RALGPS1: variants seen among roughly 807,000 people sequenced by gnomAD.
RALGPS1 encodes the protein ras-specific guanine nucleotide-releasing factor RalGPS1.
Under a neutral mutation model 78.8 loss-of-function variants are expected in RALGPS1, and 19 were observed. The ratio of observed to expected loss-of-function variants is 0.24; its 90% CI spans 0.17 to 0.35. RALGPS1 has a LOEUF of 0.35. Ranked by LOEUF, RALGPS1 falls within the 10% of genes least tolerant of loss-of-function variation. The probability of loss-of-function intolerance (pLI) is 1.00; values close to 1 mark genes in which losing one functional copy is unlikely to be tolerated. For synonymous variants in RALGPS1, 228 were observed against 256.3 expected, an observed-to-expected ratio of 0.89 and a Z score of 1.06; for missense variants, 454 against 688.3, an observed-to-expected ratio of 0.66 and a Z score of 3.81.
At chr9:127,201,358 G>A (rs1465665460) in intron 14 of RALGPS1, among the ~76,000 whole-genome samples, 3 of 152,186 alleles carry the variant, frequency 2.0e-5, no homozygotes, top group Non-Finnish European at 4.4e-5. Flanking sequence ...GGAGCAGGGG[G>A]CCACCTGCTT....
chr9:126,920,554 G>A (rs1375861453), intron 1 of RALGPS1, among the ~76,000 whole-genome samples: 2 of 152,156 alleles, frequency 1.3e-5, no homozygotes, highest in Non-Finnish European at 2.9e-5. Context: ...GGAGGTGCAG[G>A]CCAAAGGAGC....
Position 127,183,505 on chromosome 9 carries a change from A to AC in RALGPS1, c.910+8725dup, listed in dbSNP as rs2060421028. ...GCCGTACCTGTCCTCATTCTAACAGACCTGTGAGCACAACAGACCTGCCTG... is the reference window on the plus strand; with the variant it reads ...GCCGTACCTGTCCTCATTCTAACAGACCCTGTGAGCACAACAGACCTGCCTG... On this transcript the variant is annotated intron_variant, in intron 11 of 18. Coordinates refer to ENST00000259351, the MANE Select transcript of RALGPS1 (RefSeq NM_014636.3). The surrounding 1 kb of genome is among the most constrained non-coding windows in gnomAD (Gnocchi z 4.0). Among the ~76,000 whole-genome samples the AC allele has an allele frequency of 6.6e-6, 1 of 152,026 alleles. No homozygotes were observed. Among genetic ancestry groups the AC allele is most frequent in the Admixed American group, 6.5e-5 (1 of 15,272 alleles).
At chr9:127,135,621 G>C (rs1323214436) in intron 8 of RALGPS1, among the ~76,000 whole-genome samples, 1 of 152,222 alleles carries the variant, frequency 6.6e-6, no homozygotes, top group Admixed American at 6.5e-5. Context: ...ACCAGACTAG[G>C]GGCCCTCCCC....
At chr9:127,191,279 G>A (rs1045830906) in intron 11 of RALGPS1, among the ~76,000 whole-genome samples, 27 of 152,060 alleles carry the variant, frequency 1.8e-4, no homozygotes, top group African/African-American at 6.3e-4. Flanking sequence ...TAGGATTTGT[G>A]TTTTTTCTTT....
chr9:127,142,355 C>T (rs903590929), intron 8 of RALGPS1, among the ~76,000 whole-genome samples: 1 of 152,114 alleles, frequency 6.6e-6, no homozygotes. Flanking sequence ...CACTATGCTG[C>T]GAGTGGTCTG....
intron 8 of RALGPS1, among the ~76,000 whole-genome samples, chr9:127,074,711 G>A (rs1177997614): frequency 2.0e-5 from 3 of 152,238 alleles, no homozygotes; most frequent in Non-Finnish European, 4.4e-5. Context: ...GCGCACAATA[G>A]CCCAGTGAAT....
chr9:126,996,881 C>G (rs1218440200), intron 4 of RALGPS1, among the ~76,000 whole-genome samples: 2 of 152,332 alleles, frequency 1.3e-5, no homozygotes, highest in East Asian at 3.9e-4. Flanking sequence ...GTTCAACATA[C>G]ACAAATCAAT....
rs2037202210 is a variant in RALGPS1, at chr9:126,945,768, T to G, written c.-65-16457T>G. 2.6e-5 allele frequency among the ~76,000 whole-genome samples: 4 copies of G among 152,322 alleles called. No homozygotes were observed. In the South Asian group the frequency reaches 8.3e-4, roughly 32 times the overall value. ...TCATCCCAAGTGGTTCTGCAGTACC[T>G]TATACCATGGACTGAATTCTTTCTG... On this transcript the variant is annotated intron_variant, in intron 1 of 18. Transcript: ENST00000259351.
intron 8 of RALGPS1, among the ~76,000 whole-genome samples, chr9:127,159,426 C>G (rs2058889902): frequency 6.6e-6 from 1 of 152,140 alleles, no homozygotes; most frequent in African/African-American, 2.4e-5. Flanking sequence ...AGCCACAACC[C>G]CAAGTCATAC....
chr9:127,138,318 G>A (rs906617154), intron 8 of RALGPS1, among the ~76,000 whole-genome samples: 1 of 152,198 alleles, frequency 6.6e-6, no homozygotes, highest in Non-Finnish European at 1.5e-5. Context: ...TGCATTGTCA[G>A]TAAGGAAGAG....
chr9:126,949,429 A>G (rs966465966), intron 1 of RALGPS1, among the ~76,000 whole-genome samples: 1 of 152,116 alleles, frequency 6.6e-6, no homozygotes. Flanking sequence ...AGTCCCACCA[A>G]CAGCGTCAAA....
At chr9:127,198,936 G>A (rs2061477471) in intron 13 of RALGPS1, 79 bp from the exon 14 acceptor site, 1 of 1,267,068 alleles carries the variant, frequency 7.9e-7, no homozygotes, top group African/African-American at 1.5e-5. Context: ...AGCTCAGGGG[G>A]CCTGGGCTCG....
At chr9:127,144,609 C>G (rs542736390) in intron 8 of RALGPS1, among the ~76,000 whole-genome samples, 3 of 152,140 alleles carry the variant, frequency 2.0e-5, no homozygotes, top group Non-Finnish European at 2.9e-5. Flanking sequence ...GAAATGTCCA[C>G]CAAAGGATGA....
chr9:127,174,309 GAAAGAAAAAA>G (rs1485036768), intron 10 of RALGPS1, among the ~76,000 whole-genome samples: 1 of 136,308 alleles, frequency 7.3e-6, no homozygotes, highest in African/African-American at 3.6e-5. Flanking sequence ...GAGAAAGAAA[GAAAGAAAAAA>G]AAAGAAAAGA....
chr9:127,097,738 G>A (rs1040213779), intron 8 of RALGPS1, among the ~76,000 whole-genome samples: 13 of 152,300 alleles, frequency 8.5e-5, no homozygotes, highest in Non-Finnish European at 1.5e-4. Context: ...TAATGCCCTC[G>A]TAGGGGGCCA....
intron 5 of RALGPS1, 50 bp from the exon 6 acceptor site, chr9:127,049,993 A>G: frequency 7.2e-7 from 1 of 1,397,740 alleles, no homozygotes. Context: ...CCAGCAATTA[A>G]CAACTTTTCT....
At chr9:127,104,907 C>T (rs2054070958) in intron 8 of RALGPS1, among the ~76,000 whole-genome samples, 1 of 152,244 alleles carries the variant, frequency 6.6e-6, no homozygotes, top group African/African-American at 2.4e-5. Flanking sequence ...AGTGTTTTGT[C>T]TTCCAGGATA....
intron 8 of RALGPS1, chr9:127,108,898 G>C: frequency 1.4e-6 from 1 of 727,928 alleles, no homozygotes; most frequent in South Asian, 2.0e-5. Flanking sequence ...TCTGCTTCAG[G>C]ATGCTGGGTT....
chr9:127,076,453 C>T (rs950921443), intron 8 of RALGPS1, among the ~76,000 whole-genome samples: 3 of 152,186 alleles, frequency 2.0e-5, no homozygotes, highest in Admixed American at 6.5e-5. Context: ...TAAATTTACC[C>T]AGACTTCTAA....
Sources: gnomAD v4.1 joint callset for allele counts (sites outside exome capture counted in the v4.1 genomes callset) on GRCh38, gnomAD v4.1.1 for gene constraint, Gnocchi (gnomAD v3.1) non-coding constraint, MANE v1.5 for transcripts, NCBI Gene and HGNC (gene_info 2026-07-23, HGNC 2026-07-21) for gene names.